Variants in SPINT1 observed in about 807,000 individuals in gnomAD.
SPINT1 encodes kunitz-type protease inhibitor 1.
Under a neutral mutation model 53.7 loss-of-function variants are expected in SPINT1, and 38 were observed. That is an observed-to-expected ratio of 0.71 (90% CI 0.55 to 0.93). The LOEUF (loss-of-function observed/expected upper bound fraction) is 0.93, where lower values mean the gene tolerates loss of function less well. Ranked by LOEUF, SPINT1 falls within the 40% of genes least tolerant of loss-of-function variation. The pLI, the probability that SPINT1 is intolerant of heterozygous loss-of-function variation, is 0.00. For missense variants in SPINT1, 645 were observed against 692.9 expected (o/e 0.93, Z 0.78); for synonymous variants, 283 against 280.6 (o/e 1.01, Z -0.08).
chr15:40,853,919 T>G, intron 5 of SPINT1, 38 bp downstream of exon 5: 1 of 1,613,914 alleles, frequency 6.2e-7, no homozygotes, highest in East Asian at 2.2e-5. Flanking sequence ...CTCAGGCGAC[T>G]TTCCCCCAGG....
rs1455297147 is a variant in SPINT1, at chr15:40,847,453, T to A, written c.475+2424T>A. Among the ~76,000 whole-genome samples the A allele has an allele frequency of 7.2e-5, 11 of 152,300 alleles. No individual in the cohort carries two copies. In the East Asian group the frequency reaches 2.1e-3, roughly 29 times the overall value. On this transcript the variant is annotated intron_variant, in intron 2 of 10. Coordinates refer to ENST00000562057, the MANE Select transcript of SPINT1 (RefSeq NM_003710.4). ...TCCCCAGAATGGGTTTGTTTGTTCC[T>A]CCTTCTGCCTGTGGCCAGGCCAGGC...
chr15:40,851,352 C>T (rs1373860109), intron 2 of SPINT1, among the ~76,000 whole-genome samples: 1 of 152,032 alleles, frequency 6.6e-6, no homozygotes, highest in East Asian at 1.9e-4. Flanking sequence ...GGGGGTTTCA[C>T]TGTGTTAGCC....
At position 40,853,302 on chromosome 15, in the gene SPINT1, G is replaced by C. The variant is rs568093980; in HGVS notation, c.603+51G>C. ...CCGCCCTCTGCCTGCCAGCCTTCTT[G>C]GAGCCCCTTTCTGGGGCCCTAGGCC... On this transcript the variant is annotated intron_variant, in intron 3 of 10. Coordinates refer to ENST00000562057, the MANE Select transcript of SPINT1 (RefSeq NM_003710.4). 3 of 1,612,142 alleles carry C rather than the reference G, an allele frequency of 1.9e-6. No homozygotes were observed. In the South Asian group the frequency reaches 3.3e-5, roughly 18 times the overall value.
At chr15:40,850,568 T>G (rs1415869387) in intron 2 of SPINT1, among the ~76,000 whole-genome samples, 3 of 152,208 alleles carry the variant, frequency 2.0e-5, no homozygotes, top group Non-Finnish European at 4.4e-5. Context: ...TTCTCCCAAA[T>G]TTAACTTCTC....
Position 40,857,853 on chromosome 15 carries a change from G to T in SPINT1, c.*878G>T, listed in dbSNP as rs550759166. On this transcript the variant is annotated 3_prime_UTR_variant, in exon 11 of 11. Coordinates refer to ENST00000562057, the MANE Select transcript of SPINT1 (RefSeq NM_003710.4). ...CAGAGGGGAGGAGTGAGCGGGCCAC[G>T]GGAGCCACGAGTGTGGGGAGGCTGC... 2.3e-3 allele frequency: 356 copies of T among 152,608 alleles called. 4 individuals carry two copies. Among genetic ancestry groups the T allele is most frequent in the Non-Finnish European group, 1.7e-3 (115 of 68,250 alleles). 9.5% of individuals were successfully genotyped at this position (152,608 alleles called of 1,614,324 possible).
chr15:40,851,598 A>T (rs185113106), intron 2 of SPINT1, among the ~76,000 whole-genome samples: 259 of 152,216 alleles, frequency 1.7e-3, no homozygotes, highest in African/African-American at 5.8e-3. Flanking sequence ...CTGAATGTCC[A>T]CTGCCTTGTT....
At chr15:40,855,451 C>T (rs1891604624) in intron 8 of SPINT1, among the ~76,000 whole-genome samples, 1 of 149,462 alleles carries the variant, frequency 6.7e-6, no homozygotes. Flanking sequence ...GAGGCCCATC[C>T]TCTTTTTTAA....
intron 2 of SPINT1, among the ~76,000 whole-genome samples, chr15:40,848,433 C>T (rs1891356728): frequency 6.6e-6 from 1 of 152,226 alleles, no homozygotes; most frequent in African/African-American, 2.4e-5. Context: ...GCTGTACCTA[C>T]ACACGGATAA....
intron 8 of SPINT1, 57 bp from the exon 9 acceptor site, chr15:40,855,835 A>T: frequency 6.4e-7 from 1 of 1,561,788 alleles, no homozygotes; most frequent in East Asian, 2.3e-5. Context: ...GGAGCCTAGC[A>T]GAAGGTGGCA....
chr15:40,849,575 TA>T (rs1891397017), intron 2 of SPINT1, among the ~76,000 whole-genome samples: 1 of 152,188 alleles, frequency 6.6e-6, no homozygotes, highest in South Asian at 2.1e-4. Context: ...ATGTATTACC[TA>T]AACTAGAAAA....
intron 2 of SPINT1, among the ~76,000 whole-genome samples, chr15:40,850,942 G>C (rs1265783749): frequency 6.6e-6 from 1 of 152,188 alleles, no homozygotes; most frequent in Non-Finnish European, 1.5e-5. Context: ...GTCTGGTGCA[G>C]CTGGCCTCCA....
intron 2 of SPINT1, among the ~76,000 whole-genome samples, chr15:40,851,913 C>G (rs907042555): frequency 6.6e-6 from 1 of 152,164 alleles, no homozygotes; most frequent in East Asian, 1.9e-4. Context: ...CCCAGCTACT[C>G]GGGAGGCTGA....
At chr15:40,851,360 G>T (rs1327100397) in intron 2 of SPINT1, among the ~76,000 whole-genome samples, 1 of 151,998 alleles carries the variant, frequency 6.6e-6, no homozygotes, top group Non-Finnish European at 1.5e-5. Context: ...CACTGTGTTA[G>T]CCAGGATGGT....
rs766418662 is a variant in SPINT1, at chr15:40,853,781, G to C, written c.813G>C (p.Thr271=). ...TCCCACGCTGGTACTATGACCCCAC[G>C]GAGCAGATCTGCAAGAGTTTCGTTT... The part of the protein sequence containing the change: ...GSFPRWYYDP[T]EQICKSFVYG... The change falls in exon 5 of 11, where the codon ACG becomes ACC. Residue 271 remains threonine, a synonymous_variant. Coordinates refer to ENST00000562057, the MANE Select transcript of SPINT1 (RefSeq NM_003710.4). 2.7e-5 allele frequency: 43 copies of C among 1,614,208 alleles called. No individual in the cohort carries two copies. Among genetic ancestry groups the C allele is most frequent in the Non-Finnish European group, 3.4e-5 (40 of 1,180,028 alleles).
Position 40,844,215 on chromosome 15 carries a change from A to T in SPINT1, c.-66+29A>T. On this transcript the variant is annotated intron_variant, in intron 1 of 10. Transcript: ENST00000562057. The surrounding 1 kb of genome is among the most constrained non-coding windows in gnomAD (Gnocchi z 5.8). ...ACCCGGGCCCCCGCGCGCAAGGCCG[A>T]GGCGCAGGCGGAGCGGGCTGGAGCA... 2.4e-6 allele frequency: 1 copy of T among 409,400 alleles called. No individual in the cohort carries two copies. Among genetic ancestry groups the T allele is most frequent in the Non-Finnish European group, 4.5e-6 (1 of 219,996 alleles). The allele number at this position is 409,400 out of a possible 1,614,324, so 25.4% of individuals were successfully genotyped here.
Position 40,844,193 on chromosome 15 carries a change from C to G in SPINT1, c.-66+7C>G. On this transcript the variant is annotated splice_region_variant and intron_variant, in intron 1 of 10. Coordinates refer to ENST00000562057, the MANE Select transcript of SPINT1 (RefSeq NM_003710.4). This position sits in a 1 kb window ranked among gnomAD's most constrained non-coding sequence, Gnocchi z 5.8. ...ACCCAACTCACCTGCGCAGGTAACC[C>G]GGGCCCCCGCGCGCAAGGCCGAGGC... The G allele has an allele frequency of 2.5e-6, 1 of 401,620 alleles. No homozygotes were observed. The highest frequency in any genetic ancestry group is 2.0e-5 in the South Asian group (1 of 51,054). 24.9% of individuals were successfully genotyped at this position (401,620 alleles called of 1,614,324 possible).
chr15:40,854,369 G>A, intron 6 of SPINT1, 28 bp from the exon 7 acceptor site: 1 of 1,524,438 alleles, frequency 6.6e-7, no homozygotes. Context: ...TTCTTTGCTT[G>A]AGCCTGACCT....
In SPINT1 at chr15:40,856,276, A is replaced by G. The variant is rs1275112975; in HGVS notation, c.1289A>G (p.Lys430Arg). 6.2e-7 allele frequency: 1 copy of G among 1,614,110 alleles called. No individual in the cohort carries two copies. Among genetic ancestry groups the G allele is most frequent in the Non-Finnish European group, 8.5e-7 (1 of 1,180,008 alleles). ...QCLESCRGIS[K>R]KDVFGLRREI... ...GGTCTTTCCCCTCATCATTCTGCAG[A>G]GAAGGATGTGTTTGGCCTGAGGCGG... is the stretch of plus-strand genomic sequence containing the variant. The change falls in exon 10 of 11, where the codon AAG (lysine) becomes AGG (arginine). Residue 430 changes from lysine (K) to arginine (R), a missense_variant and splice_region_variant. Transcript: ENST00000562057.
rs1891670934 is a variant in SPINT1, at chr15:40,857,103, C to A, written c.*128C>A. On this transcript the variant is annotated 3_prime_UTR_variant, in exon 11 of 11. Coordinates refer to ENST00000562057, the MANE Select transcript of SPINT1 (RefSeq NM_003710.4). ...GCCCACTGTGCCTCAGAGACCAGGG[C>A]TCCAGCCCCTCTTGGAGAAGTCTCA... 1 of 1,224,194 alleles carries A rather than the reference C, an allele frequency of 8.2e-7. No individual in the cohort carries two copies. The highest frequency in any genetic ancestry group is 1.1e-6 in the Non-Finnish European group (1 of 892,808). 75.8% of individuals were successfully genotyped at this position (1,224,194 alleles called of 1,614,324 possible). A position where few individuals can be genotyped will look rare whatever the true frequency, so the allele number is the denominator to read the frequency against.
Sources: allele counts gnomAD v4.1 joint callset (sites outside exome capture counted in the v4.1 genomes callset), GRCh38; gene constraint gnomAD v4.1.1; non-coding constraint Gnocchi (gnomAD v3.1); transcripts MANE v1.5; gene names NCBI Gene and HGNC (gene_info 2026-07-23, HGNC 2026-07-21).